LAMA3: variants seen among roughly 807,000 people sequenced by gnomAD.
The protein encoded by LAMA3 is laminin subunit alpha-3.
LAMA3 carries 281 observed loss-of-function variants against 402.0 expected under a neutral mutation model. That is an observed-to-expected ratio of 0.70 (90% CI 0.63 to 0.77). LAMA3 has a LOEUF of 0.77. Among genes scored for constraint, LAMA3 ranks in the 30% least tolerant of loss-of-function variants. The pLI is 0.00. For synonymous variants in LAMA3, 1,431 were observed against 1,558.4 expected, an observed-to-expected ratio of 0.92 and a Z score of 1.93; for missense variants, 3,840 against 4,215.5, an observed-to-expected ratio of 0.91 and a Z score of 2.47.
In LAMA3 at chr18:23,894,988, A is replaced by G. The variant is rs916703219; in HGVS notation, c.5543A>G (p.Gln1848Arg). The change falls in exon 44 of 75, where the codon CAG becomes CGG. Residue 1848 changes from glutamine to arginine, a missense_variant. By Grantham distance (43) the Gln-to-Arg change is conservative. This residue lies in a region of LAMA3 where 891 missense variants were observed against 857.5 expected (regional missense o/e 1.04). Transcript: ENST00000313654. ...CTCCGCCTGGTCAAGTCTCAGCTGC[A>G]GGGCCTGAGTGCCAGCGCAGGGCTT... is the stretch of plus-strand genomic sequence containing the variant. ...EQLRLVKSQL[Q>R]GLSASAGLLE... 38 of 1,613,726 alleles carry G rather than the reference A, an allele frequency of 2.4e-5. No homozygotes were observed. Among genetic ancestry groups the G allele is most frequent in the Non-Finnish European group, 3.0e-5 (35 of 1,179,870 alleles).
chr18:23,787,967 A>G lies in LAMA3; in HGVS notation c.1603+3810A>G, dbSNP rs546632899. On this transcript the variant is annotated intron_variant, in intron 12 of 74. Transcript: ENST00000313654. ...AACAGAAAGTATACGAACTGTATAT[A>G]CAAATACATACATACATACATAAAT... is the stretch of plus-strand genomic sequence containing the variant. Among the ~76,000 whole-genome samples the G allele has an allele frequency of 5.9e-5, 9 of 152,300 alleles. No homozygotes were observed. The South Asian group carries it at 1.9e-3, about 32-fold the overall frequency.
chr18:23,944,175 T>G (rs1363523121), intron 69 of LAMA3, among the ~76,000 whole-genome samples: 1 of 152,090 alleles, frequency 6.6e-6, no homozygotes, highest in Non-Finnish European at 1.5e-5. Context: ...GACAGTAAAG[T>G]CAAGATGGGC....
At chr18:23,952,849 G>A in intron 73 of LAMA3, 141 bp from the exon 74 acceptor site, 1 of 992,838 alleles carries the variant, frequency 1.0e-6, no homozygotes, top group Non-Finnish European at 1.6e-6. Context: ...GAAGTTAATT[G>A]AATTTATATC....
intron 12 of LAMA3, among the ~76,000 whole-genome samples, chr18:23,787,891 A>T (rs1042940562): frequency 6.6e-6 from 1 of 152,190 alleles, no homozygotes; most frequent in Non-Finnish European, 1.5e-5. Flanking sequence ...TAAAAATTAC[A>T]AAAGAGAGTA....
At chr18:23,906,669 T>TA (rs1385645673) in intron 52 of LAMA3, among the ~76,000 whole-genome samples, 1 of 152,168 alleles carries the variant, frequency 6.6e-6, no homozygotes, top group African/African-American at 2.4e-5. Flanking sequence ...CTTCACATGT[T>TA]AAAAAATTAA....
rs1400644066 is a variant in LAMA3, at chr18:23,839,329, G to A, written c.3191+451G>A. ...GATTCAAAAACAGCTTATGGGCATG[G>A]TCATGAAATCTGGTGTGCATAGTTA... On this transcript the variant is annotated intron_variant, in intron 26 of 74. Transcript: ENST00000313654. The surrounding 1 kb of genome is among the most constrained non-coding windows in gnomAD (Gnocchi z 4.5). 6.6e-6 allele frequency among the ~76,000 whole-genome samples: 1 copy of A among 152,206 alleles called. No homozygotes were observed. Among genetic ancestry groups the A allele is most frequent in the Non-Finnish European group, 1.5e-5 (1 of 68,050 alleles).
intron 61 of LAMA3, 96 bp from the exon 62 acceptor site, chr18:23,921,355 TG>T: frequency 3.0e-6 from 4 of 1,330,500 alleles, no homozygotes; most frequent in Non-Finnish European, 4.1e-6. Context: ...TAAATGAATC[TG>T]GGGGAAGATA....
chr18:23,753,634 AG>A, intron 5 of LAMA3, 86 bp from the exon 6 acceptor site: 1 of 908,828 alleles, frequency 1.1e-6, no homozygotes, highest in Admixed American at 1.8e-5. Context: ...AGGGAAGCAG[AG>A]GCAGCAGATG....
At chr18:23,712,085 TAA>T (rs1272230354) in intron 1 of LAMA3, among the ~76,000 whole-genome samples, 26 of 152,290 alleles carry the variant, frequency 1.7e-4, no homozygotes, top group Middle Eastern at 3.4e-3. Context: ...TGTCCTAGCT[TAA>T]AAGTTATTCA....
chr18:23,784,015 T>G lies in LAMA3; in HGVS notation c.1469-8T>G, dbSNP rs1205300298. ...AGACCCCTTCTGAAAGTTTCCTGTC[T>G]TCTGCAGGGTGTGACTGTAATCTGG... On this transcript the variant is annotated splice_region_variant and splice_polypyrimidine_tract_variant and intron_variant, in intron 11 of 74. Coordinates refer to ENST00000313654, the MANE Select transcript of LAMA3 (RefSeq NM_198129.4). 6.2e-7 allele frequency: 1 copy of G among 1,614,164 alleles called. No individual in the cohort carries two copies. The highest frequency in any genetic ancestry group is 1.1e-5 in the South Asian group (1 of 91,074).
chr18:23,804,847 T>C (rs2062931859), intron 12 of LAMA3, among the ~76,000 whole-genome samples: 1 of 152,192 alleles, frequency 6.6e-6, no homozygotes, highest in South Asian at 2.1e-4. Flanking sequence ...TACCTCCCCC[T>C]ACCTTGCTTC....
chr18:23,783,877 G>A (rs531646267), intron 11 of LAMA3, 146 bp from the exon 12 acceptor site: 7 of 1,084,204 alleles, frequency 6.5e-6, no homozygotes, highest in South Asian at 1.3e-5. Context: ...TCCCTTCAAC[G>A]CAGTGTAGTC....
intron 51 of LAMA3, 111 bp from the exon 52 acceptor site, chr18:23,905,411 C>T (rs1181274237): frequency 1.4e-6 from 1 of 697,594 alleles, no homozygotes; most frequent in Admixed American, 1.9e-5. Flanking sequence ...AACTCCTTCC[C>T]CCTTTGAACT....
intron 2 of LAMA3, among the ~76,000 whole-genome samples, chr18:23,746,440 G>T (rs976173333): frequency 6.6e-6 from 1 of 152,040 alleles, no homozygotes; most frequent in Admixed American, 6.6e-5. Flanking sequence ...TCTATGTGAG[G>T]CCAGATCTTC....
chr18:23,887,785 C>T (rs1390913903), intron 41 of LAMA3, among the ~76,000 whole-genome samples: 1 of 152,208 alleles, frequency 6.6e-6, no homozygotes, highest in African/African-American at 2.4e-5. Flanking sequence ...CATGCTCTTA[C>T]CCCTCTTCTC....
At chr18:23,849,990 T>A (rs1168921752) in intron 32 of LAMA3, among the ~76,000 whole-genome samples, 3 of 151,848 alleles carry the variant, frequency 2.0e-5, no homozygotes, top group Admixed American at 1.3e-4. Flanking sequence ...CTGAAAAAGC[T>A]TTTGATTGCC....
rs746751541 is a variant in LAMA3, at chr18:23,899,406, T to C, written c.5955T>C (p.Phe1985=). 3.1e-6 allele frequency: 5 copies of C among 1,614,168 alleles called. No homozygotes were observed. In the South Asian group the frequency reaches 3.3e-5, roughly 11 times the overall value. ...TGAGGGAACTGCGGAACAGGAACTT[T>C]GGAAAGCACCTCAGAGAAGCAGAAG... is the stretch of plus-strand genomic sequence containing the variant. ...RMMRELRNRN[F]GKHLREAEAD... is the part of the protein sequence containing the mutation. The change falls in exon 47 of 75, where the codon TTT becomes TTC. Residue 1985 remains phenylalanine (F), a synonymous_variant. Transcript: ENST00000313654.
At chr18:23,914,999 C>A (rs2081564402) in intron 58 of LAMA3, 139 bp downstream of exon 58, 4 of 779,008 alleles carry the variant, frequency 5.1e-6, no homozygotes, top group African/African-American at 1.7e-5. Context: ...GAGATACTAG[C>A]TAACACTTAT....
Position 23,932,243 on chromosome 18 carries a change from T to A in LAMA3, c.8660T>A (p.Leu2887Gln). The A allele has an allele frequency of 1.2e-6, 2 of 1,614,142 alleles. No homozygotes were observed. The highest frequency in any genetic ancestry group is 8.5e-7 in the Non-Finnish European group (1 of 1,179,960). Residue 2887 changes from leucine to glutamine, a missense_variant, in exon 66 of 75, where the codon CTG (leucine) becomes CAG (glutamine). This residue lies in a region of LAMA3 where 840 missense variants were observed against 981.9 expected (regional missense o/e 0.86). Coordinates refer to ENST00000313654, the MANE Select transcript of LAMA3 (RefSeq NM_198129.4). ...HISSSRQSLR[L>Q]GGSNFEGCIS... The stretch of plus-strand genomic sequence containing the variant: ...TCAAGTTCCCGGCAGTCTCTGCGTC[T>A]GGGCGGGAGCAATTTTGAGGGTTGT...
Sources: allele counts gnomAD v4.1 joint callset (sites outside exome capture counted in the v4.1 genomes callset), GRCh38; gene constraint gnomAD v4.1.1; regional missense constraint gnomAD v4.1.1; non-coding constraint Gnocchi (gnomAD v3.1); transcripts MANE v1.5; gene names NCBI Gene and HGNC (gene_info 2026-07-23, HGNC 2026-07-21).